KATNA1: variants seen among roughly 807,000 people sequenced by gnomAD.
The protein encoded by KATNA1 is katanin catalytic subunit A1.
KATNA1 carries 42 observed loss-of-function variants against 62.6 expected under a neutral mutation model. The observed-to-expected ratio is 0.67, with a 90% CI of 0.52 to 0.87. KATNA1 has a LOEUF of 0.87. Among genes scored for constraint, KATNA1 ranks in the 40% least tolerant of loss-of-function variants. The probability of loss-of-function intolerance (pLI) is 0.00; values close to 1 mark genes in which losing one functional copy is unlikely to be tolerated. For missense variants in KATNA1, 498 were observed against 612.5 expected, an observed-to-expected ratio of 0.81 and a Z score of 1.97; for synonymous variants, 186 against 201.9, an observed-to-expected ratio of 0.92 and a Z score of 0.67.
chr6:149,595,383 A>G (rs1778264158), intron 10 of KATNA1, 149 bp from the exon 11 acceptor site: 1 of 534,980 alleles, frequency 1.9e-6, no homozygotes, highest in Non-Finnish European at 3.2e-6. Flanking sequence ...AACTTATTGG[A>G]ATACAAAGCC....
At chr6:149,603,601 G>C (rs1346758880) in intron 5 of KATNA1, among the ~76,000 whole-genome samples, 2 of 152,054 alleles carry the variant, frequency 1.3e-5, no homozygotes, top group Non-Finnish European at 2.9e-5. Flanking sequence ...TTTTTAGCCT[G>C]GATCACGAGA....
At chr6:149,608,496 C>G (rs528362084) in intron 4 of KATNA1, among the ~76,000 whole-genome samples, 1 of 152,152 alleles carries the variant, frequency 6.6e-6, no homozygotes, top group Non-Finnish European at 1.5e-5. Context: ...ACACTCTACT[C>G]CAGTCAAGCA....
chr6:149,595,186 T>C lies in KATNA1; in HGVS notation c.1326A>G (p.Pro442=), dbSNP rs745445575. 12 of 1,614,036 alleles carry C rather than the reference T, an allele frequency of 7.4e-6. No homozygotes were observed. The Admixed American group carries it at 1.0e-4, about 13-fold the overall frequency. The change falls in exon 11 of 11, where the codon CCA becomes CCG. Residue 442 remains proline (P), a synonymous_variant. Coordinates refer to ENST00000367411, the MANE Select transcript of KATNA1 (RefSeq NM_007044.4). ...CTTTGGAAAGATTTCGGATTTCCTC[T>C]GGAGTCAAACCTTCAATGCGCCTTC... ...AMRRRIEGLT[P]EEIRNLSKEE... is the part of the protein sequence containing the mutation.
intron 4 of KATNA1, among the ~76,000 whole-genome samples, chr6:149,617,259 C>A (rs1779200389): frequency 6.6e-6 from 1 of 152,134 alleles, no homozygotes; most frequent in Non-Finnish European, 1.5e-5. Flanking sequence ...ACTAGTGGAA[C>A]ATGTGAATGT....
chr6:149,629,947 A>T (rs1779767014), intron 3 of KATNA1, among the ~76,000 whole-genome samples: 1 of 152,244 alleles, frequency 6.6e-6, no homozygotes, highest in South Asian at 2.1e-4. Flanking sequence ...GGTGGTTTTG[A>T]GAATTAAATA....
intron 4 of KATNA1, among the ~76,000 whole-genome samples, chr6:149,614,509 A>G (rs1779090526): frequency 6.6e-6 from 1 of 152,232 alleles, no homozygotes; most frequent in African/African-American, 2.4e-5. Context: ...TGGTTGGCTC[A>G]TGCTTGTAAT....
intron 4 of KATNA1, among the ~76,000 whole-genome samples, 161 bp from the exon 5 acceptor site, chr6:149,604,943 G>T (rs1778679593): frequency 6.6e-6 from 1 of 152,192 alleles, no homozygotes; most frequent in Non-Finnish European, 1.5e-5. Flanking sequence ...GGGAGGCCAA[G>T]ATGGGTGGAT....
rs570011755 is a variant in KATNA1, at chr6:149,608,711, C to T, written c.502-3929G>A. Among the ~76,000 whole-genome samples the T allele has an allele frequency of 6.0e-4, 91 of 152,310 alleles. 1 individual carries two copies. Among genetic ancestry groups the T allele is most frequent in the African/African-American group, 2.0e-3 (82 of 41,556 alleles). On this transcript the variant is annotated intron_variant, in intron 4 of 10. Coordinates refer to ENST00000367411, the MANE Select transcript of KATNA1 (RefSeq NM_007044.4). ...GCATGTTCTCTCCCCCACCCCTCCC[C>T]GCCACAGTCACTGGACATCATAGAG... is the stretch of plus-strand genomic sequence containing the variant.
At chr6:149,628,513 A>C (rs1489362129) in intron 3 of KATNA1, among the ~76,000 whole-genome samples, 1 of 152,054 alleles carries the variant, frequency 6.6e-6, no homozygotes, top group East Asian at 1.9e-4. Flanking sequence ...TAGGATCACC[A>C]ACATAGGTGA....
At chr6:149,638,715 T>A (rs1310848427) in intron 1 of KATNA1, 155 bp from the exon 2 acceptor site, 3 of 342,798 alleles carry the variant, frequency 8.8e-6, no homozygotes, top group Non-Finnish European at 1.0e-5. Flanking sequence ...ATTTCACTCC[T>A]TTAAAAAAAA....
intron 2 of KATNA1, 83 bp from the exon 3 acceptor site, chr6:149,632,999 G>GT (rs1468752493): frequency 2.0e-6 from 2 of 1,004,512 alleles, no homozygotes; most frequent in Non-Finnish European, 2.8e-6. Context: ...TACTAGAGAT[G>GT]TTACAAAACT....
intron 3 of KATNA1, among the ~76,000 whole-genome samples, chr6:149,625,105 T>G (rs1779555594): frequency 6.6e-6 from 1 of 151,920 alleles, no homozygotes; most frequent in Non-Finnish European, 1.5e-5. Context: ...GCAGAAATGG[T>G]TCGGTCCATA....
Position 149,604,815 on chromosome 6 carries a change from T to C in KATNA1, c.502-33A>G, listed in dbSNP as rs761676856. On this transcript the variant is annotated intron_variant, in intron 4 of 10. Coordinates refer to ENST00000367411, the MANE Select transcript of KATNA1 (RefSeq NM_007044.4). ...AAGAGAAAAAAACAAGCGCTTTTGA[T>C]TCATTTATTTTGTTTCTGTGAGTCG... 4 of 1,597,910 alleles carry C rather than the reference T, an allele frequency of 2.5e-6. No individual in the cohort carries two copies. In the South Asian group the frequency reaches 3.4e-5, roughly 13 times the overall value.
At chr6:149,637,592 C>T (rs1780115874) in intron 2 of KATNA1, among the ~76,000 whole-genome samples, 1 of 152,010 alleles carries the variant, frequency 6.6e-6, no homozygotes, top group Non-Finnish European at 1.5e-5. Flanking sequence ...TTTGGGAGGT[C>T]AAGGTGGGCA....
Position 149,601,609 on chromosome 6 carries a change from A to G in KATNA1, c.873T>C (p.Arg291=), listed in dbSNP as rs1778543898. The change falls in exon 7 of 11, where the codon CGT becomes CGC. Residue 291 remains arginine (R), a synonymous_variant. Transcript: ENST00000367411. The part of the protein sequence containing the change: ...KYRGESEKLV[R]LLFEMARFYS... ...AAACATTCACCATTTCAAACAGAAG[A>G]CGAACAAGCTTCTCAGATTCTCCTC... The G allele has an allele frequency of 6.2e-7, 1 of 1,607,416 alleles. No homozygotes were observed. Among genetic ancestry groups the G allele is most frequent in the Non-Finnish European group, 8.5e-7 (1 of 1,177,694 alleles).
chr6:149,610,669 A>G (rs1778915148), intron 4 of KATNA1, among the ~76,000 whole-genome samples: 1 of 152,220 alleles, frequency 6.6e-6, no homozygotes, highest in African/African-American at 2.4e-5. Flanking sequence ...AAATAAAGAT[A>G]CAACTTATCA....
intron 3 of KATNA1, among the ~76,000 whole-genome samples, chr6:149,631,906 A>C (rs1390153410): frequency 6.6e-6 from 1 of 152,236 alleles, no homozygotes; most frequent in Non-Finnish European, 1.5e-5. Flanking sequence ...GTTGGGGAAA[A>C]AAAGCCAGAG....
chr6:149,611,273 C>T (rs1289042866), intron 4 of KATNA1, among the ~76,000 whole-genome samples: 1 of 151,544 alleles, frequency 6.6e-6, no homozygotes, highest in Non-Finnish European at 1.5e-5. Context: ...ACCAGCCTAC[C>T]CACCACAGCG....
intron 6 of KATNA1, 115 bp from the exon 7 acceptor site, chr6:149,601,867 TAAAAGAC>T: frequency 1.5e-6 from 1 of 658,396 alleles, no homozygotes; most frequent in Non-Finnish European, 2.3e-6. Context: ...TCAAGACAAA[TAAAAGAC>T]AAACAGATAA....
Sources: allele counts gnomAD v4.1 joint callset (sites outside exome capture counted in the v4.1 genomes callset), GRCh38; gene constraint gnomAD v4.1.1; transcripts MANE v1.5; gene names NCBI Gene and HGNC (gene_info 2026-07-23, HGNC 2026-07-21).